NRG3: variants seen among roughly 807,000 people sequenced by gnomAD.
The protein encoded by NRG3 is pro-neuregulin-3, membrane-bound isoform.
Under a neutral mutation model 66.9 loss-of-function variants are expected in NRG3, and 31 were observed. The ratio of observed to expected loss-of-function variants is 0.46; its 90% CI spans 0.35 to 0.63. The LOEUF (loss-of-function observed/expected upper bound fraction) is 0.63. Among genes scored for constraint, NRG3 ranks in the 20% least tolerant of loss-of-function variants. The probability of loss-of-function intolerance (pLI) is 0.00; values close to 1 mark genes in which losing one functional copy is unlikely to be tolerated. For synonymous variants in NRG3, 393 were observed against 359.4 expected, an observed-to-expected ratio of 1.09 and a Z score of -1.06; for missense variants, 910 against 878.9, an observed-to-expected ratio of 1.04 and a Z score of -0.45.
intron 1 of NRG3, among the ~76,000 whole-genome samples, chr10:82,341,488 A>G (rs993012236): frequency 1.3e-4 from 20 of 152,150 alleles, no homozygotes; most frequent in African/African-American, 4.3e-4. Context: ...GGTTTATTCC[A>G]AGCATTATTA....
chr10:82,827,127 A>G (rs2062257445), intron 3 of NRG3: 1 of 338,260 alleles, frequency 3.0e-6, no homozygotes, highest in African/African-American at 2.2e-5. Context: ...GAATTTTAAC[A>G]GTGAGATTTT....
chr10:82,644,967 G>A (rs1273954651), intron 2 of NRG3, among the ~76,000 whole-genome samples: 2 of 152,030 alleles, frequency 1.3e-5, no homozygotes, highest in Non-Finnish European at 2.9e-5. Context: ...TCTACTAGAC[G>A]ATGAAGTAAT....
intron 2 of NRG3, among the ~76,000 whole-genome samples, chr10:82,408,152 A>AG (rs2087769007): frequency 6.6e-6 from 1 of 151,450 alleles, no homozygotes; most frequent in South Asian, 2.1e-4. Flanking sequence ...AGAAAAGAAA[A>AG]AGAAAAGTAA....
chr10:82,797,947 C>T (rs534939164), intron 3 of NRG3, among the ~76,000 whole-genome samples: 51 of 152,206 alleles, frequency 3.4e-4, no homozygotes, highest in African/African-American at 1.2e-3. Context: ...GAAGAAATTA[C>T]AGTGCAGTAA....
chr10:82,173,642 C>A (rs1446197996), intron 1 of NRG3, among the ~76,000 whole-genome samples: 1 of 150,630 alleles, frequency 6.6e-6, no homozygotes, highest in African/African-American at 2.4e-5. Context: ...TAGAGACCCT[C>A]ATGTAAACAC....
chr10:82,201,384 A>G (rs1043119524), intron 1 of NRG3, among the ~76,000 whole-genome samples: 2 of 152,034 alleles, frequency 1.3e-5, no homozygotes, highest in Non-Finnish European at 2.9e-5. Flanking sequence ...GATGTCTCAT[A>G]AGGGGTTACA....
At chr10:82,596,794 G>A (rs530338229) in intron 2 of NRG3, among the ~76,000 whole-genome samples, 1 of 152,166 alleles carries the variant, frequency 6.6e-6, no homozygotes, top group African/African-American at 2.4e-5. Context: ...GGCTTGCTTT[G>A]AGAAGTCTAT....
chr10:82,554,358 A>G (rs1384355364), intron 2 of NRG3, among the ~76,000 whole-genome samples: 1 of 152,236 alleles, frequency 6.6e-6, no homozygotes, highest in East Asian at 1.9e-4. Flanking sequence ...ATTACACAGC[A>G]TATACCTGTA....
chr10:81,889,206 A>C (rs992608560), intron 1 of NRG3: 1 of 152,170 alleles, frequency 6.6e-6, no homozygotes, highest in Non-Finnish European at 1.5e-5. Context: ...CAGAGGCAAA[A>C]ACTCCTTTAT....
intron 5 of NRG3, among the ~76,000 whole-genome samples, chr10:82,953,870 A>G (rs77143657): frequency 0.012 from 1,744 of 151,440 alleles, 60 homozygotes; most frequent in African/African-American, 0.041. Flanking sequence ...AGGCACAAGA[A>G]TGGCTTGAGC....
intron 1 of NRG3, among the ~76,000 whole-genome samples, chr10:82,329,836 C>T (rs1283144732): frequency 2.0e-5 from 3 of 152,106 alleles, no homozygotes; most frequent in South Asian, 4.1e-4. Context: ...AGGAAGGCCA[C>T]GCTCTAGGCA....
At position 82,884,925 on chromosome 10, in the gene NRG3, A is replaced by C. The variant is rs191539610; in HGVS notation, c.1054+19488A>C. Among the ~76,000 whole-genome samples, 842 of 152,314 alleles carry C rather than the reference A, an allele frequency of 5.5e-3. 11 individuals carry two copies. The highest frequency in any genetic ancestry group is 0.017 in the Admixed American group (260 of 15,302). ...ATTGATTCTGTCTTATAACAACTGG[A>C]ACTTTTCCAGTCATTCTGTCCTTCA... On this transcript the variant is annotated intron_variant, in intron 4 of 8. Coordinates refer to ENST00000372141, the MANE Select transcript of NRG3 (RefSeq NM_001010848.4).
chr10:82,924,279 C>T (rs1333210), intron 4 of NRG3, among the ~76,000 whole-genome samples: 104,348 of 151,760 alleles, frequency 0.69, 36,584 homozygotes, highest in African/African-American at 0.83. Context: ...AGACCAGAAC[C>T]GAACTATTAC....
intron 4 of NRG3, among the ~76,000 whole-genome samples, chr10:82,921,460 C>T (rs1262843594): frequency 6.6e-6 from 1 of 152,120 alleles, no homozygotes; most frequent in Non-Finnish European, 1.5e-5. Context: ...GTTAATATTG[C>T]TTCAGTGTTG....
intron 1 of NRG3, among the ~76,000 whole-genome samples, chr10:82,035,515 T>C (rs1298311041): frequency 6.6e-6 from 1 of 152,178 alleles, no homozygotes; most frequent in Non-Finnish European, 1.5e-5. Flanking sequence ...AGGCATCTTA[T>C]TAAAATCAAT....
At chr10:82,019,178 C>T (rs1237616512) in intron 1 of NRG3, among the ~76,000 whole-genome samples, 1 of 152,140 alleles carries the variant, frequency 6.6e-6, no homozygotes, top group African/African-American at 2.4e-5. Context: ...GCCTTTTCTG[C>T]ATCTATTGAG....
intron 1 of NRG3, among the ~76,000 whole-genome samples, chr10:82,266,267 T>A (rs1001714570): frequency 5.9e-5 from 9 of 151,702 alleles, no homozygotes; most frequent in Admixed American, 4.6e-4. Flanking sequence ...TCGGGGAGGG[T>A]GTGTTCTATT....
intron 3 of NRG3, among the ~76,000 whole-genome samples, chr10:82,794,174 A>T (rs1377421244): frequency 6.6e-6 from 1 of 152,156 alleles, no homozygotes; most frequent in Non-Finnish European, 1.5e-5. Flanking sequence ...TGCCTCAGAT[A>T]ATAAATTAAA....
At chr10:82,282,787 T>A (rs2079195997) in intron 1 of NRG3, among the ~76,000 whole-genome samples, 3 of 152,118 alleles carry the variant, frequency 2.0e-5, no homozygotes, top group Admixed American at 2.0e-4. Flanking sequence ...TCCATGCCTG[T>A]GGGATGCTTT....
Sources: gnomAD v4.1 joint callset for allele counts (sites outside exome capture counted in the v4.1 genomes callset) on GRCh38, gnomAD v4.1.1 for gene constraint, MANE v1.5 for transcripts, NCBI Gene and HGNC (gene_info 2026-07-23, HGNC 2026-07-21) for gene names.